Variants in CLNK observed in about 807,000 individuals in gnomAD.
CLNK encodes cytokine dependent hematopoietic cell linker.
Under a neutral mutation model 68.6 loss-of-function variants are expected in CLNK, and 74 were observed. The ratio of observed to expected loss-of-function variants is 1.08; its 90% CI spans 0.89 to 1.31. The LOEUF is 1.31. Ranked by LOEUF, CLNK falls within the 50% of genes most tolerant of loss-of-function variation. CLNK has a pLI of 0.00. For synonymous variants in CLNK, 198 were observed against 172.2 expected, an observed-to-expected ratio of 1.15 and a Z score of -1.17; for missense variants, 553 against 515.3, an observed-to-expected ratio of 1.07 and a Z score of -0.71.
At chr4:10,500,997 A>C (rs1717020366) in intron 18 of CLNK, among the ~76,000 whole-genome samples, 1 of 152,214 alleles carries the variant, frequency 6.6e-6, no homozygotes, top group African/African-American at 2.4e-5. Context: ...TGGGAGGCAG[A>C]GTTTAGATGT....
chr4:10,699,513 T>TATATATATATATA, the CLNK span, among the ~76,000 whole-genome samples: 12 of 62,054 alleles, frequency 1.9e-4, no homozygotes, highest in African/African-American at 9.0e-4. Flanking sequence ...TATATATATA[T>TATATATATATATA]TTTTTTTTTT....
chr4:10,694,901 A>C, the CLNK span, among the ~76,000 whole-genome samples: 1 of 152,164 alleles, frequency 6.6e-6, no homozygotes, highest in African/African-American at 2.4e-5. Context: ...CTAACCCTAA[A>C]TAGTGTTCCA....
chr4:10,558,524 C>T, intron 7 of CLNK, 72 bp from the exon 8 acceptor site: 1 of 1,433,536 alleles, frequency 7.0e-7, no homozygotes, highest in South Asian at 1.2e-5. Flanking sequence ...TTGACACTCT[C>T]TGTGGTTAGG....
intron 8 of CLNK, among the ~76,000 whole-genome samples, chr4:10,554,364 A>G (rs898364208): frequency 1.6e-4 from 24 of 152,250 alleles, no homozygotes; most frequent in African/African-American, 5.5e-4. Context: ...CTGAAACTTC[A>G]TTAGGGAATT....
intron 1 of CLNK, among the ~76,000 whole-genome samples, chr4:10,679,934 T>C (rs1459327039): frequency 6.6e-6 from 1 of 152,124 alleles, no homozygotes; most frequent in Admixed American, 6.6e-5. Context: ...GTAAACTAGT[T>C]CAACTATTGT....
chr4:10,573,976 A>G (rs1217182479), intron 4 of CLNK, among the ~76,000 whole-genome samples: 1 of 151,656 alleles, frequency 6.6e-6, no homozygotes, highest in Admixed American at 6.6e-5. Flanking sequence ...TTGTTAACGC[A>G]TATGTTTTCT....
chr4:10,618,037 A>C (rs188535064), intron 2 of CLNK, among the ~76,000 whole-genome samples: 10 of 152,350 alleles, frequency 6.6e-5, no homozygotes, highest in East Asian at 1.9e-4. Flanking sequence ...TCTACCAAAG[A>C]GAAATAAAAA....
intron 2 of CLNK, among the ~76,000 whole-genome samples, chr4:10,661,655 G>T (rs1453565616): frequency 6.6e-5 from 10 of 152,200 alleles, no homozygotes; most frequent in Admixed American, 6.5e-4. Flanking sequence ...TACTCTTTCA[G>T]TCTTAAAACT....
At chr4:10,661,527 C>A (rs1309266306) in intron 2 of CLNK, among the ~76,000 whole-genome samples, 1 of 152,044 alleles carries the variant, frequency 6.6e-6, no homozygotes, top group African/African-American at 2.4e-5. Flanking sequence ...TCTTATGTGG[C>A]AATATGGAAT....
chr4:10,642,752 A>G (rs1216554785), intron 2 of CLNK, among the ~76,000 whole-genome samples: 1 of 152,232 alleles, frequency 6.6e-6, no homozygotes, highest in Non-Finnish European at 1.5e-5. Flanking sequence ...TAGCTGGGAA[A>G]GTCATCTAAC....
In CLNK at chr4:10,560,997, G is replaced by C. The variant is rs143223204; in HGVS notation, c.400-2545C>G. On this transcript the variant is annotated intron_variant, in intron 7 of 18. Coordinates refer to ENST00000226951, the MANE Select transcript of CLNK (RefSeq NM_052964.4). ...CTGCAGCCTTGACCTCCCAGGCTCAGGTGATCCTCCCACCTCAGCCCCCAG... is the reference window on the plus strand; with the variant it reads ...CTGCAGCCTTGACCTCCCAGGCTCACGTGATCCTCCCACCTCAGCCCCCAG... 8.0e-3 allele frequency among the ~76,000 whole-genome samples: 1,202 copies of C among 150,962 alleles called. 21 individuals are homozygous for C. Among genetic ancestry groups the C allele is most frequent in the East Asian group, 0.058 (292 of 5,056 alleles).
intron 1 of CLNK, among the ~76,000 whole-genome samples, chr4:10,682,441 T>G (rs925047928): frequency 3.3e-5 from 5 of 152,160 alleles, no homozygotes; most frequent in Non-Finnish European, 7.3e-5. Flanking sequence ...AAAGGATGCT[T>G]CTAGATCTCT....
intron 2 of CLNK, among the ~76,000 whole-genome samples, chr4:10,607,501 A>G (rs1361078117): frequency 6.6e-6 from 1 of 152,204 alleles, no homozygotes; most frequent in Non-Finnish European, 1.5e-5. Context: ...CTACTCAGAG[A>G]TTGTAATCCT....
chr4:10,611,598 C>T (rs1440337386), intron 2 of CLNK, among the ~76,000 whole-genome samples: 2 of 152,114 alleles, frequency 1.3e-5, no homozygotes, highest in Admixed American at 1.3e-4. Context: ...AGGAGCCCCC[C>T]AGGAAAATAG....
chr4:10,675,641 A>G (rs1393431199), intron 1 of CLNK, among the ~76,000 whole-genome samples: 1 of 152,222 alleles, frequency 6.6e-6, no homozygotes, highest in East Asian at 1.9e-4. Flanking sequence ...TTGTTCCCAA[A>G]CATTAGTTAT....
intron 2 of CLNK, among the ~76,000 whole-genome samples, chr4:10,601,139 G>C (rs11945398): frequency 0.025 from 3,772 of 152,270 alleles, 154 homozygotes; most frequent in African/African-American, 0.077. Context: ...CGGGACCCTA[G>C]AGTGGAGAGC....
At position 10,684,713 on chromosome 4, in the gene CLNK, T is replaced by A. The variant is rs1725206621; in HGVS notation, c.-88A>T. On this transcript the variant is annotated 5_prime_UTR_variant, in exon 1 of 19. Coordinates refer to ENST00000226951, the MANE Select transcript of CLNK (RefSeq NM_052964.4). ...CAAGGGATCTAGGCTGAGGTGTCCG[T>A]CTCCTGTGAGGAGGGGCGGCAGTGC... The A allele has an allele frequency of 6.6e-6, 1 of 152,108 alleles. No homozygotes were observed. The highest frequency in any genetic ancestry group is 6.5e-5 in the Admixed American group (1 of 15,270). 9.4% of individuals were successfully genotyped at this position (152,108 alleles called of 1,614,324 possible).
intron 8 of CLNK, among the ~76,000 whole-genome samples, chr4:10,543,968 GGCCACATAAT>G: frequency 6.6e-6 from 1 of 152,204 alleles, no homozygotes; most frequent in African/African-American, 2.4e-5. Flanking sequence ...AAAAAGCTTA[GGCCACATAAT>G]GCTTGCTTAA....
At chr4:10,543,960 A>G (rs527776112) in intron 8 of CLNK, among the ~76,000 whole-genome samples, 3 of 152,316 alleles carry the variant, frequency 2.0e-5, no homozygotes, top group Non-Finnish European at 4.4e-5. Context: ...AAATCACAAA[A>G]AAGCTTAGGC....
Sources: allele counts gnomAD v4.1 joint callset (sites outside exome capture counted in the v4.1 genomes callset), GRCh38; gene constraint gnomAD v4.1.1; transcripts MANE v1.5; gene names NCBI Gene and HGNC (gene_info 2026-07-23, HGNC 2026-07-21).